The following ERBB2 variants were observed in gnomAD, a reference collection of about 807,000 sequenced individuals.
ERBB2 encodes the protein erb-b2 receptor tyrosine kinase 2.
In ERBB2, 61 loss-of-function variants were observed where a neutral mutation model predicts 149.0. The ratio of observed to expected loss-of-function variants is 0.41; its 90% CI spans 0.33 to 0.51. The LOEUF is 0.51. Among genes scored for constraint, ERBB2 ranks in the 20% least tolerant of loss-of-function variants. ERBB2 has a pLI of 0.25. For missense variants in ERBB2, 1,205 were observed against 1,655.1 expected, an observed-to-expected ratio of 0.73 and a Z score of 4.72; for synonymous variants, 633 against 678.8, an observed-to-expected ratio of 0.93 and a Z score of 1.05.
chr17:39,718,252 G>A (rs2059256225), intron 15 of ERBB2, among the ~76,000 whole-genome samples: 1 of 151,620 alleles, frequency 6.6e-6, no homozygotes, highest in Non-Finnish European at 1.5e-5. Flanking sequence ...TTCTTATTTA[G>A]TTGTCTTTAC....
At chr17:39,714,850 A>G (rs551352449) in intron 9 of ERBB2, among the ~76,000 whole-genome samples, 1 of 147,016 alleles carries the variant, frequency 6.8e-6, no homozygotes, top group African/African-American at 2.5e-5. Context: ...GCTCACTGCA[A>G]CCTCTGCCTC....
At chr17:39,719,193 G>A (rs1049771660) in intron 15 of ERBB2, among the ~76,000 whole-genome samples, 2 of 152,036 alleles carry the variant, frequency 1.3e-5, no homozygotes, top group East Asian at 1.9e-4. Context: ...CCTGGGCAGC[G>A]GAGGTTGCAG....
upstream of ERBB2, among the ~76,000 whole-genome samples, chr17:39,695,623 C>T (rs1013922492): frequency 2.0e-5 from 3 of 151,544 alleles, no homozygotes; most frequent in East Asian, 5.8e-4. Context: ...GACGACTCCT[C>T]CCGATTTCTG....
intron 2 of ERBB2, among the ~76,000 whole-genome samples, chr17:39,689,900 CAAAA>C (rs77805136): frequency 2.1e-5 from 1 of 47,478 alleles, no homozygotes; most frequent in African/African-American, 8.2e-5. Flanking sequence ...GAGCGAAACT[CAAAA>C]AAAAAAAAAA....
rs1454253958 is a variant in ERBB2 at position 39,725,881 on chromosome 17, T to C, written c.2872+28T>C. The C allele has an allele frequency of 6.2e-7, 1 of 1,610,748 alleles. No individual in the cohort carries two copies. Among genetic ancestry groups the C allele is most frequent in the Non-Finnish European group, 8.5e-7 (1 of 1,178,806 alleles). On this transcript the variant is annotated intron_variant, in intron 23 of 26. Coordinates refer to ENST00000269571, the MANE Select transcript of ERBB2 (RefSeq NM_004448.4). The surrounding 1 kb of genome is among the most constrained non-coding windows in gnomAD (Gnocchi z 4.6). ...GCGTGGCTGAGCTGTGCTGGCTGCC[T>C]GGAGGAGGGTGGGAGGTCCTGGGTG...
rs1414614348 is a variant in ERBB2 at position 39,723,486 on chromosome 17, G to A, written c.2085+29G>A. 4 of 1,613,774 alleles carry A rather than the reference G, an allele frequency of 2.5e-6. No homozygotes were observed. The highest frequency in any genetic ancestry group is 3.4e-6 in the Non-Finnish European group (4 of 1,179,924). On this transcript the variant is annotated intron_variant, in intron 17 of 26. Transcript: ENST00000269571. The surrounding 1 kb of genome is among the most constrained non-coding windows in gnomAD (Gnocchi z 6.2). Reference sequence around the variant, plus strand: ...AGGCGGGGTGAAGTCCTCCCAGCCCGCGTGGGGTCTGCACCGGCCCCCGGC... The same window carrying A: ...AGGCGGGGTGAAGTCCTCCCAGCCCACGTGGGGTCTGCACCGGCCCCCGGC...
chr17:39,725,616 G>T lies in ERBB2; in HGVS notation c.2726-91G>T, dbSNP rs956185999. On this transcript the variant is annotated intron_variant, in intron 22 of 26. Coordinates refer to ENST00000269571, the MANE Select transcript of ERBB2 (RefSeq NM_004448.4). The surrounding 1 kb of genome is among the most constrained non-coding windows in gnomAD (Gnocchi z 4.6). Reference sequence around the variant, plus strand: ...GGCATCACATCTCCCCCTGCTACCTGCCATGATGCTAGACTCCTGAGCAGA... The same window carrying T: ...GGCATCACATCTCCCCCTGCTACCTTCCATGATGCTAGACTCCTGAGCAGA... 5 of 1,421,402 alleles carry T rather than the reference G, an allele frequency of 3.5e-6. No homozygotes were observed. The highest frequency in any genetic ancestry group is 3.6e-4 in the Middle Eastern group (2 of 5,504). 88.0% of individuals were successfully genotyped at this position (1,421,402 alleles called of 1,614,324 possible). A position where few individuals can be genotyped will look rare whatever the true frequency, so the allele number is the denominator to read the frequency against.
chr17:39,727,081 T>C lies in ERBB2; in HGVS notation c.3159+78T>C. 2 of 1,383,262 alleles carry C rather than the reference T, an allele frequency of 1.4e-6. No homozygotes were observed. The highest frequency in any genetic ancestry group is 2.0e-6 in the Non-Finnish European group (2 of 1,018,682). 85.7% of individuals were successfully genotyped at this position (1,383,262 alleles called of 1,614,324 possible). A position where few individuals can be genotyped will look rare whatever the true frequency, so the allele number is the denominator to read the frequency against. On this transcript the variant is annotated intron_variant, in intron 25 of 26. Transcript: ENST00000269571. This position sits in a 1 kb window ranked among gnomAD's most constrained non-coding sequence, Gnocchi z 4.3. Reference sequence around the variant, plus strand: ...GGTGGACTAGGGTCCCTTTCTCTGATGTTCCCTCAACTGTCACCTCTCAAG... The same window carrying C: ...GGTGGACTAGGGTCCCTTTCTCTGACGTTCCCTCAACTGTCACCTCTCAAG...
intron 1 of ERBB2, among the ~76,000 whole-genome samples, chr17:39,705,709 T>C (rs2058384397): frequency 6.6e-6 from 1 of 152,092 alleles, no homozygotes; most frequent in Non-Finnish European, 1.5e-5. Flanking sequence ...CTCCCAGCAA[T>C]CTGAAGGCAG....
chr17:39,722,797 C>T (rs2059517695), intron 16 of ERBB2, among the ~76,000 whole-genome samples: 1 of 151,900 alleles, frequency 6.6e-6, no homozygotes, highest in South Asian at 2.1e-4. Context: ...CTCACTGCAA[C>T]CTCTTGTCTC....
exon 2 of ERBB2, chr17:39,688,756 C>T (rs1043355819): frequency 1.3e-5 from 2 of 152,374 alleles, no homozygotes; most frequent in African/African-American, 4.8e-5. Context: ...AGAACCTTTG[C>T]TGTCCTGTTC....
At chr17:39,722,680 G>A (rs1011575867) in intron 16 of ERBB2, among the ~76,000 whole-genome samples, 2 of 151,802 alleles carry the variant, frequency 1.3e-5, no homozygotes, top group African/African-American at 4.8e-5. Context: ...TTATCAGGAC[G>A]TAGCCCCTTG....
At chr17:39,719,167 A>G (rs183005111) in intron 15 of ERBB2, among the ~76,000 whole-genome samples, 1 of 152,304 alleles carries the variant, frequency 6.6e-6, no homozygotes, top group African/African-American at 2.4e-5. Flanking sequence ...AGGTTGAGAC[A>G]GGAGAATTGC....
chr17:39,690,378 A>G (rs929109067), upstream of ERBB2, among the ~76,000 whole-genome samples: 2 of 152,214 alleles, frequency 1.3e-5, no homozygotes. Context: ...GAGCCATGCC[A>G]CACGGCCATA....
At position 39,728,387 on chromosome 17, in the gene ERBB2, C is replaced by T. The variant is rs748570170; in HGVS notation, c.*343C>T. 15 of 291,834 alleles carry T rather than the reference C, an allele frequency of 5.1e-5. No homozygotes were observed. The highest frequency in any genetic ancestry group is 1.1e-4 in the South Asian group (1 of 8,704). 18.1% of individuals were successfully genotyped at this position (291,834 alleles called of 1,614,324 possible). ...AGGGAAGCTGGCCTGAGAGGGGAAG[C>T]GGCCCTAAGGGAGTGTCTAAGAACA... On this transcript the variant is annotated 3_prime_UTR_variant, in exon 27 of 27. Coordinates refer to ENST00000269571, the MANE Select transcript of ERBB2 (RefSeq NM_004448.4).
chr17:39,694,260 T>TGTGTATATATATATATACAC (rs2057797488), upstream of ERBB2, among the ~76,000 whole-genome samples: 1 of 23,488 alleles, frequency 4.3e-5, no homozygotes, highest in African/African-American at 1.1e-4. Flanking sequence ...TATATATATA[T>TGTGTATATATATATATACAC]ATATATATGT....
intron 2 of ERBB2, among the ~76,000 whole-genome samples, chr17:39,689,230 T>C (rs1182921160): frequency 6.6e-6 from 1 of 152,176 alleles, no homozygotes; most frequent in Non-Finnish European, 1.5e-5. Flanking sequence ...GGAGGCACCA[T>C]TCACATTGCA....
intron 15 of ERBB2, 34 bp downstream of exon 15, chr17:39,717,514 A>G: frequency 6.4e-7 from 1 of 1,564,538 alleles, no homozygotes. Context: ...AGAAAGGAGG[A>G]CTTTCCTTTC....
Position 39,700,268 on chromosome 17 carries a change from G to A in ERBB2, c.30G>A (p.Gly10=). 1.4e-6 allele frequency: 2 copies of A among 1,438,002 alleles called. No individual in the cohort carries two copies. Among genetic ancestry groups the A allele is most frequent in the Non-Finnish European group, 1.8e-6 (2 of 1,098,494 alleles). 89.1% of individuals were successfully genotyped at this position (1,438,002 alleles called of 1,614,324 possible). A position where few individuals can be genotyped will look rare whatever the true frequency, so the allele number is the denominator to read the frequency against. MELAALCRW[G]LLLALLPPGA... Reference sequence around the variant, plus strand: ...AGCTGGCGGCCTTGTGCCGCTGGGGGCTCCTCCTCGCCCTCTTGCCCCCCG... The same window carrying A: ...AGCTGGCGGCCTTGTGCCGCTGGGGACTCCTCCTCGCCCTCTTGCCCCCCG... Residue 10 remains glycine, a synonymous_variant, in exon 1 of 27, where the codon GGG becomes GGA. Coordinates refer to ENST00000269571, the MANE Select transcript of ERBB2 (RefSeq NM_004448.4).
Sources: gnomAD v4.1 joint callset for allele counts (sites outside exome capture counted in the v4.1 genomes callset) on GRCh38, gnomAD v4.1.1 for gene constraint, Gnocchi (gnomAD v3.1) non-coding constraint, MANE v1.5 for transcripts, NCBI Gene and HGNC (gene_info 2026-07-23, HGNC 2026-07-21) for gene names.